The following PPP1R9A variants were observed in gnomAD, a reference collection of about 807,000 sequenced individuals.
PPP1R9A encodes the protein protein phosphatase 1 regulatory subunit 9A, also known as neurabin-1.
In PPP1R9A, 59 loss-of-function variants were observed where a neutral mutation model predicts 141.9. That is an observed-to-expected ratio of 0.42 (90% CI 0.34 to 0.52). The LOEUF (loss-of-function observed/expected upper bound fraction) is 0.52, where lower values mean the gene tolerates loss of function less well. PPP1R9A is among the 20% of genes least tolerant of loss of function. PPP1R9A has a pLI of 0.10. For synonymous variants in PPP1R9A, 500 were observed against 569.7 expected, an observed-to-expected ratio of 0.88 and a Z score of 1.74; for missense variants, 1,444 against 1,611.9, an observed-to-expected ratio of 0.90 and a Z score of 1.78.
At chr7:95,012,643 T>C (rs531812905) in intron 2 of PPP1R9A, among the ~76,000 whole-genome samples, 150 of 152,296 alleles carry the variant, frequency 9.8e-4, no homozygotes, top group Non-Finnish European at 1.9e-3. Flanking sequence ...ATACTTTATT[T>C]GGAGGGAATG....
intron 2 of PPP1R9A, among the ~76,000 whole-genome samples, chr7:94,988,424 G>A (rs1342614048): frequency 4.0e-5 from 6 of 151,810 alleles, no homozygotes; most frequent in African/African-American, 1.2e-4. Flanking sequence ...AGTTTAGTAA[G>A]TTTTTTTTGT....
chr7:95,059,983 T>TA (rs1235412926), intron 2 of PPP1R9A, among the ~76,000 whole-genome samples: 1 of 152,130 alleles, frequency 6.6e-6, no homozygotes, highest in Non-Finnish European at 1.5e-5. Context: ...CGGGAGAAGA[T>TA]ACAGGCTGAG....
intron 2 of PPP1R9A, among the ~76,000 whole-genome samples, chr7:95,047,011 G>C (rs1303393249): frequency 6.6e-6 from 1 of 152,146 alleles, no homozygotes; most frequent in African/African-American, 2.4e-5. Flanking sequence ...GTGGTGCTGG[G>C]CTCTCTCCTG....
intron 2 of PPP1R9A, among the ~76,000 whole-genome samples, chr7:94,990,005 A>C (rs945552307): frequency 1.3e-5 from 2 of 152,054 alleles, no homozygotes; most frequent in Non-Finnish European, 2.9e-5. Context: ...AATATGAAAA[A>C]TTTTAGTTGA....
intron 2 of PPP1R9A, among the ~76,000 whole-genome samples, chr7:95,077,767 G>A (rs908265532): frequency 1.3e-5 from 2 of 152,184 alleles, no homozygotes; most frequent in African/African-American, 4.8e-5. Context: ...GAAAGGTTGT[G>A]TGTGAGGCCA....
At chr7:95,163,330 C>T (rs1830706566) in intron 5 of PPP1R9A, among the ~76,000 whole-genome samples, 1 of 152,170 alleles carries the variant, frequency 6.6e-6, no homozygotes, top group South Asian at 2.1e-4. Flanking sequence ...TCTGTTTTCA[C>T]ATTCTCACTT....
intron 8 of PPP1R9A, among the ~76,000 whole-genome samples, chr7:95,227,477 G>A (rs1234065516): frequency 6.6e-6 from 1 of 152,208 alleles, no homozygotes; most frequent in Non-Finnish European, 1.5e-5. Flanking sequence ...GCACCATTGT[G>A]TAGAGTGATC....
At chr7:94,959,671 T>A (rs1797406855) in intron 2 of PPP1R9A, among the ~76,000 whole-genome samples, 1 of 151,712 alleles carries the variant, frequency 6.6e-6, no homozygotes, top group African/African-American at 2.4e-5. Flanking sequence ...AGATTTCTAC[T>A]TATAATCACA....
chr7:94,957,933 A>G (rs1797240153), intron 2 of PPP1R9A, among the ~76,000 whole-genome samples: 1 of 152,108 alleles, frequency 6.6e-6, no homozygotes. Context: ...CTGGGTAGAA[A>G]TTTCATAAGC....
chr7:95,262,875 C>A (rs1800645583), intron 12 of PPP1R9A, among the ~76,000 whole-genome samples: 2 of 152,160 alleles, frequency 1.3e-5, no homozygotes, highest in Admixed American at 1.3e-4. Context: ...TAGCAATAAT[C>A]TTCTGCTTGT....
At chr7:95,257,969 A>G (rs999952421) in intron 12 of PPP1R9A, among the ~76,000 whole-genome samples, 13 of 152,300 alleles carry the variant, frequency 8.5e-5, no homozygotes, top group Admixed American at 6.5e-4. Flanking sequence ...TAGTGCTGCA[A>G]TAAACATATG....
chr7:95,158,761 C>A (rs1335275815), intron 4 of PPP1R9A, among the ~76,000 whole-genome samples: 1 of 152,114 alleles, frequency 6.6e-6, no homozygotes, highest in African/African-American at 2.4e-5. Flanking sequence ...CTCAACCCAA[C>A]AACAACAGTG....
At chr7:95,025,448 G>A (rs554601170) in intron 2 of PPP1R9A, among the ~76,000 whole-genome samples, 2 of 152,260 alleles carry the variant, frequency 1.3e-5, no homozygotes, top group South Asian at 2.1e-4. Flanking sequence ...TTCACTGTTA[G>A]CCTGATGGGC....
rs540748509 is a variant in PPP1R9A, at chr7:94,967,591, G to A, written c.1395+56083G>A. Among the ~76,000 whole-genome samples the A allele has an allele frequency of 2.6e-5, 4 of 152,170 alleles. No homozygotes were observed. The South Asian group carries it at 8.3e-4, about 32-fold the overall frequency. On this transcript the variant is annotated intron_variant, in intron 2 of 19. Transcript: ENST00000433360. ...TGTTACTTACCCAGTAGTCATTCAG[G>A]AGCAGGTTGTTCAGTTTCCATGTAG...
At chr7:94,994,710 A>G (rs1584173806) in intron 2 of PPP1R9A, among the ~76,000 whole-genome samples, 1 of 152,206 alleles carries the variant, frequency 6.6e-6, no homozygotes, top group Middle Eastern at 3.4e-3. Context: ...CCTGGCCAAC[A>G]TGGTGAAACC....
At chr7:95,084,825 G>T (rs895292220) in intron 2 of PPP1R9A, among the ~76,000 whole-genome samples, 4 of 151,830 alleles carry the variant, frequency 2.6e-5, no homozygotes, top group African/African-American at 9.7e-5. Flanking sequence ...TTCTTGTTAT[G>T]GACATTAAGA....
At chr7:95,144,341 A>G (rs1293922649) in intron 4 of PPP1R9A, among the ~76,000 whole-genome samples, 1 of 152,168 alleles carries the variant, frequency 6.6e-6, no homozygotes, top group East Asian at 1.9e-4. Flanking sequence ...AAGGCTGAAT[A>G]ATACTTTATC....
chr7:95,110,924 T>G (rs1250989831), intron 2 of PPP1R9A, among the ~76,000 whole-genome samples: 1 of 152,188 alleles, frequency 6.6e-6, no homozygotes, highest in Non-Finnish European at 1.5e-5. Flanking sequence ...ATGGTTTACC[T>G]TAGTTTTATT....
chr7:95,073,576 T>A (rs58856556), intron 2 of PPP1R9A, among the ~76,000 whole-genome samples: 60,973 of 149,596 alleles, frequency 0.41, 13,258 homozygotes, highest in African/African-American at 0.45. Flanking sequence ...CACAATTAGT[T>A]TCTTTTGATT....
Sources: gnomAD v4.1 joint callset for allele counts (sites outside exome capture counted in the v4.1 genomes callset) on GRCh38, gnomAD v4.1.1 for gene constraint, MANE v1.5 for transcripts, NCBI Gene and HGNC (gene_info 2026-07-23, HGNC 2026-07-21) for gene names.